KLHL1: variants seen among roughly 807,000 people sequenced by gnomAD.
The protein encoded by KLHL1 is kelch-like protein 1.
In KLHL1, 47 loss-of-function variants were observed where a neutral mutation model predicts 77.7. The ratio of observed to expected loss-of-function variants is 0.60; its 90% CI spans 0.48 to 0.77. The LOEUF is 0.77. Ranked by LOEUF, KLHL1 falls within the 30% of genes least tolerant of loss-of-function variation. The pLI, the probability that KLHL1 is intolerant of heterozygous loss-of-function variation, is 0.00. For missense variants in KLHL1, 925 were observed against 910.8 expected (o/e 1.02, Z -0.20); for synonymous variants, 360 against 325.2 (o/e 1.11, Z -1.15).
At chr13:69,868,300 A>G (rs1880448162) in intron 5 of KLHL1, among the ~76,000 whole-genome samples, 1 of 152,124 alleles carries the variant, frequency 6.6e-6, no homozygotes. Context: ...GACATACACA[A>G]CATATATTTA....
chr13:70,064,177 T>C (rs1455280215), intron 1 of KLHL1, among the ~76,000 whole-genome samples: 1 of 152,156 alleles, frequency 6.6e-6, no homozygotes, highest in Admixed American at 6.5e-5. Context: ...GTATTTATTT[T>C]GGCCAGTTAG....
intron 1 of KLHL1, among the ~76,000 whole-genome samples, chr13:70,006,432 G>A (rs1028493846): frequency 1.4e-5 from 2 of 147,398 alleles, no homozygotes; most frequent in Non-Finnish European, 3.0e-5. Context: ...TTTCTTTCTT[G>A]TATTGTCTTT....
chr13:69,844,129 T>C (rs572436479), intron 5 of KLHL1, among the ~76,000 whole-genome samples: 2 of 151,574 alleles, frequency 1.3e-5, no homozygotes, highest in East Asian at 1.9e-4. Context: ...ATCAACTCTA[T>C]GTGCCTAGGT....
At chr13:70,064,405 A>G (rs1886959915) in intron 1 of KLHL1, among the ~76,000 whole-genome samples, 1 of 152,178 alleles carries the variant, frequency 6.6e-6, no homozygotes, top group Admixed American at 6.5e-5. Flanking sequence ...GTTGGGGATG[A>G]CGTGAAATGA....
chr13:69,915,474 C>G (rs1304354121), intron 4 of KLHL1, among the ~76,000 whole-genome samples: 2 of 152,062 alleles, frequency 1.3e-5, no homozygotes, highest in Admixed American at 6.6e-5. Flanking sequence ...ACAAACCTGA[C>G]AAAAACGAGA....
At chr13:70,090,398 AG>A (rs1887644178) in intron 1 of KLHL1, among the ~76,000 whole-genome samples, 1 of 152,052 alleles carries the variant, frequency 6.6e-6, no homozygotes, top group South Asian at 2.1e-4. Context: ...ACTCTACAAC[AG>A]TACAAAGGTG....
At chr13:70,016,176 G>T (rs1409211710) in intron 1 of KLHL1, among the ~76,000 whole-genome samples, 2 of 152,240 alleles carry the variant, frequency 1.3e-5, no homozygotes, top group African/African-American at 2.4e-5. Context: ...CTTAAGCCCA[G>T]CAGAATCTCC....
At chr13:69,915,143 A>G (rs899430184) in intron 4 of KLHL1, among the ~76,000 whole-genome samples, 5 of 152,208 alleles carry the variant, frequency 3.3e-5, no homozygotes, top group Admixed American at 6.5e-5. Context: ...GGAAGAATCA[A>G]TATTGTGAAA....
At chr13:69,877,940 G>C (rs1880828191) in intron 5 of KLHL1, among the ~76,000 whole-genome samples, 1 of 152,090 alleles carries the variant, frequency 6.6e-6, no homozygotes, top group Non-Finnish European at 1.5e-5. Context: ...ACAAAGCCCA[G>C]ATACACATAA....
In KLHL1 at chr13:69,895,965, C is replaced by T. The variant is rs142041253; in HGVS notation, c.1015-13470G>A. Among the ~76,000 whole-genome samples, 687 of 152,248 alleles carry T rather than the reference C, an allele frequency of 4.5e-3. 7 individuals carry two copies. The highest frequency in any genetic ancestry group is 0.016 in the African/African-American group (647 of 41,552). On this transcript the variant is annotated intron_variant, in intron 4 of 10. Coordinates refer to ENST00000377844, the MANE Select transcript of KLHL1 (RefSeq NM_020866.3). ...TCAGGTGATCCACTCACCTCTGCCT[C>T]CCAAAGTGCTGGGATTACAGGCATG...
intron 9 of KLHL1, among the ~76,000 whole-genome samples, chr13:69,718,435 A>G (rs147747773): frequency 6.6e-6 from 1 of 152,204 alleles, no homozygotes; most frequent in East Asian, 1.9e-4. Flanking sequence ...TTTGAGTACC[A>G]GAGTGGTAAT....
intron 5 of KLHL1, among the ~76,000 whole-genome samples, chr13:69,839,490 AAAC>A (rs1297953714): frequency 1.3e-5 from 2 of 151,954 alleles, no homozygotes; most frequent in Non-Finnish European, 2.9e-5. Context: ...TGTTGGCCAT[AAAC>A]ATGTCAGGTG....
intron 4 of KLHL1, among the ~76,000 whole-genome samples, chr13:69,939,106 C>T (rs1888899): frequency 0.14 from 20,578 of 150,804 alleles, 2,300 homozygotes; most frequent in East Asian, 0.29. Flanking sequence ...AGCATTGATA[C>T]AGGGCGTCTA....
Position 69,910,357 on chromosome 13 carries a change from A to C in KLHL1, c.1015-27862T>G, listed in dbSNP as rs1882195838. Among the ~76,000 whole-genome samples, 2 of 152,128 alleles carry C rather than the reference A, an allele frequency of 1.3e-5. 1 individual carries two copies. On this transcript the variant is annotated intron_variant, in intron 4 of 10. Coordinates refer to ENST00000377844, the MANE Select transcript of KLHL1 (RefSeq NM_020866.3). ...ATGGTTTGCCTCTAGGTTAAGGCCC[A>C]TGTCAATCATACTAGTCATTTCTTG...
At chr13:69,765,403 C>T (rs757272198) in intron 7 of KLHL1, among the ~76,000 whole-genome samples, 3 of 151,988 alleles carry the variant, frequency 2.0e-5, no homozygotes, top group Non-Finnish European at 4.4e-5. Flanking sequence ...TGTCTCAGAC[C>T]ATCCTTTGCT....
chr13:70,053,347 T>C (rs1182638742), intron 1 of KLHL1, among the ~76,000 whole-genome samples: 1 of 152,002 alleles, frequency 6.6e-6, no homozygotes, highest in South Asian at 2.1e-4. Flanking sequence ...GAGAGCATAA[T>C]ATGTGGCATT....
chr13:70,046,846 G>C (rs529693676), intron 1 of KLHL1, among the ~76,000 whole-genome samples: 3 of 152,134 alleles, frequency 2.0e-5, no homozygotes, highest in Middle Eastern at 3.4e-3. Context: ...ACCAAGTACC[G>C]AAGCTGCAAT....
intron 1 of KLHL1, among the ~76,000 whole-genome samples, chr13:70,084,766 C>T (rs975900154): frequency 1.6e-4 from 24 of 151,108 alleles, no homozygotes; most frequent in African/African-American, 5.1e-4. Flanking sequence ...TGAGCCACTG[C>T]GCCGGGCCGT....
At chr13:70,096,155 G>C (rs1394056918) in intron 1 of KLHL1, among the ~76,000 whole-genome samples, 1 of 152,072 alleles carries the variant, frequency 6.6e-6, no homozygotes, top group East Asian at 1.9e-4. Context: ...AATAAACACA[G>C]GAGAGCAGAT....
Sources: gnomAD v4.1 joint callset for allele counts (sites outside exome capture counted in the v4.1 genomes callset) on GRCh38, gnomAD v4.1.1 for gene constraint, MANE v1.5 for transcripts, NCBI Gene and HGNC (gene_info 2026-07-23, HGNC 2026-07-21) for gene names.